Variants in ZNF445 observed in about 807,000 individuals in gnomAD.
ZNF445 encodes zinc finger protein 168.
Under a neutral mutation model 93.9 loss-of-function variants are expected in ZNF445, and 19 were observed. That is an observed-to-expected ratio of 0.20 (90% CI 0.14 to 0.30). The LOEUF (loss-of-function observed/expected upper bound fraction) is 0.30. Ranked by LOEUF, ZNF445 falls within the 10% of genes least tolerant of loss-of-function variation. The pLI is 1.00. For synonymous variants in ZNF445, 449 were observed against 446.3 expected (o/e 1.01, Z -0.08); for missense variants, 1,058 against 1,259.4 (o/e 0.84, Z 2.42).
At chr3:44,451,277 G>A (rs1398110955) in intron 4 of ZNF445, 37 bp downstream of exon 4, 2 of 1,601,902 alleles carry the variant, frequency 1.2e-6, no homozygotes, top group Non-Finnish European at 1.7e-6. Flanking sequence ...AAGAAGTGTG[G>A]CATAAGGCTG....
intron 1 of ZNF445, among the ~76,000 whole-genome samples, chr3:44,468,656 GGCCC>G (rs1457720741): frequency 1.3e-5 from 2 of 149,976 alleles, no homozygotes; most frequent in Admixed American, 6.7e-5. Flanking sequence ...CTGATCTTGT[GGCCC>G]GCCCCCACCC....
intron 1 of ZNF445, among the ~76,000 whole-genome samples, chr3:44,469,020 G>A (rs1369911871): frequency 1.3e-5 from 2 of 150,324 alleles, no homozygotes; most frequent in Non-Finnish European, 2.9e-5. Context: ...TATTTTGGGA[G>A]GATAGTGAGA....
Position 44,443,823 on chromosome 3 carries a change from A to C in ZNF445, c.*2752T>G, listed in dbSNP as rs893119850. On this transcript the variant is annotated 3_prime_UTR_variant, in exon 8 of 8. Coordinates refer to ENST00000396077, the MANE Select transcript of ZNF445 (RefSeq NM_181489.6). ...ATTTTAAAATTTGATTAGAATGTTT[A>C]GAAATAAGCACATTTCATTCTATAA... 3 of 151,774 alleles carry C rather than the reference A, an allele frequency of 2.0e-5. No homozygotes were observed. The highest frequency in any genetic ancestry group is 4.4e-5 in the Non-Finnish European group (3 of 67,970). 9.4% of individuals were successfully genotyped at this position (151,774 alleles called of 1,614,324 possible).
At chr3:44,460,733 C>T (rs1170093232) in intron 1 of ZNF445, among the ~76,000 whole-genome samples, 45 of 152,242 alleles carry the variant, frequency 3.0e-4, no homozygotes, top group Admixed American at 2.9e-3. Flanking sequence ...AGTAATACAA[C>T]TCTGGTCTCC....
intron 1 of ZNF445, among the ~76,000 whole-genome samples, chr3:44,471,856 A>C (rs1698273806): frequency 6.7e-6 from 1 of 149,330 alleles, no homozygotes. Context: ...ATAAGTATTC[A>C]AAGGAAAAAA....
At position 44,449,598 on chromosome 3, in the gene ZNF445, C is replaced by A. The variant is rs754144825; in HGVS notation, c.846G>T (p.Leu282=). 18 of 1,613,942 alleles carry A rather than the reference C, an allele frequency of 1.1e-5. No homozygotes were observed. The highest frequency in any genetic ancestry group is 1.3e-5 in the African/African-American group (1 of 74,898). ...GCTCCCTTGCTTCCAACCAGGAGAT[C>A]AGAGCAGGTTTGGTGAATGGTCCCA... ...SLVGPFTKPA[L]ISWLEAREPW... is the part of the protein sequence containing the mutation. The change falls in exon 7 of 8, where the codon CTG becomes CTT. Residue 282 remains leucine, a synonymous_variant. Coordinates refer to ENST00000396077, the MANE Select transcript of ZNF445 (RefSeq NM_181489.6).
At chr3:44,450,306 A>G (rs1697939457) in intron 6 of ZNF445, 141 bp downstream of exon 6, 1 of 976,690 alleles carries the variant, frequency 1.0e-6, no homozygotes, top group South Asian at 1.4e-5. Flanking sequence ...AGAGGCTACC[A>G]AGGTGCTAGA....
chr3:44,456,112 T>C (rs1368641585), intron 2 of ZNF445, among the ~76,000 whole-genome samples: 2 of 152,140 alleles, frequency 1.3e-5, no homozygotes, highest in East Asian at 3.9e-4. Flanking sequence ...GCAATGGGAT[T>C]AGAATAGCTA....
intron 1 of ZNF445, among the ~76,000 whole-genome samples, chr3:44,476,102 T>G (rs185265563): frequency 6.6e-6 from 1 of 152,294 alleles, no homozygotes; most frequent in Admixed American, 6.5e-5. Flanking sequence ...CACCTAACAA[T>G]TCGCCTGAGA....
intron 7 of ZNF445, among the ~76,000 whole-genome samples, chr3:44,449,135 A>G (rs974895933): frequency 6.6e-6 from 1 of 152,102 alleles, no homozygotes; most frequent in Non-Finnish European, 1.5e-5. Flanking sequence ...CCAAGAAAAG[A>G]AAGAACAGGA....
chr3:44,455,629 A>C lies in ZNF445; in HGVS notation c.-80T>G. On this transcript the variant is annotated 5_prime_UTR_variant, in exon 3 of 8. Coordinates refer to ENST00000396077, the MANE Select transcript of ZNF445 (RefSeq NM_181489.6). The stretch of plus-strand genomic sequence containing the variant: ...GGGTCCTCAGAAGTATCTTCTCAGC[A>C]GTCAACAATGCCAACATTTGCTGGG... The C allele has an allele frequency of 2.2e-6, 3 of 1,348,490 alleles. No homozygotes were observed. Among genetic ancestry groups the C allele is most frequent in the Non-Finnish European group, 3.0e-6 (3 of 996,028 alleles). 83.5% of individuals were successfully genotyped at this position (1,348,490 alleles called of 1,614,324 possible).
rs1272075452 is a variant in ZNF445 at position 44,449,764 on chromosome 3, T to G, written c.821-141A>C. On this transcript the variant is annotated intron_variant, in intron 6 of 7. Coordinates refer to ENST00000396077, the MANE Select transcript of ZNF445 (RefSeq NM_181489.6). ...GCAGAAGCTAGCGAAGGAGGCCCAG[T>G]CATTTCAAATAGCCCTGAGCAGAGA... The G allele has an allele frequency of 6.1e-6, 4 of 651,416 alleles. No homozygotes were observed. The East Asian group carries it at 1.1e-4, about 18-fold the overall frequency. The allele number at this position is 651,416 out of a possible 1,614,324, so 40.4% of individuals were successfully genotyped here.
At chr3:44,475,923 C>T (rs1015009449) in intron 1 of ZNF445, among the ~76,000 whole-genome samples, 1 of 152,258 alleles carries the variant, frequency 6.6e-6, no homozygotes, top group Middle Eastern at 3.4e-3. Flanking sequence ...CACTTGAACC[C>T]AGGAGGCGGA....
intron 1 of ZNF445, among the ~76,000 whole-genome samples, chr3:44,473,402 C>G (rs375217086): frequency 2.0e-5 from 3 of 150,402 alleles, no homozygotes; most frequent in Admixed American, 6.6e-5. Flanking sequence ...TGCAGTGAGC[C>G]GAGATCATGC....
Position 44,437,768 on chromosome 3 carries a change from C to A in ZNF445, c.*8807G>T, listed in dbSNP as rs1575302227. 1.3e-5 allele frequency: 2 copies of A among 152,310 alleles called. No homozygotes were observed. Among genetic ancestry groups the A allele is most frequent in the East Asian group, 3.9e-4 (2 of 5,176 alleles). 9.4% of individuals were successfully genotyped at this position (152,310 alleles called of 1,614,324 possible). ...GGGGATTTCTTCAGTATCATCCTTTCTGTGGTTTGCCAGAAATATGTTACA... is the reference window on the plus strand; with the variant it reads ...GGGGATTTCTTCAGTATCATCCTTTATGTGGTTTGCCAGAAATATGTTACA... On this transcript the variant is annotated 3_prime_UTR_variant, in exon 8 of 8. Coordinates refer to ENST00000396077, the MANE Select transcript of ZNF445 (RefSeq NM_181489.6).
At chr3:44,458,115 A>G (rs1698058491) in intron 2 of ZNF445, 129 bp downstream of exon 2, 1 of 152,212 alleles carries the variant, frequency 6.6e-6, no homozygotes, top group South Asian at 2.1e-4. Context: ...TCACACCTGT[A>G]ATTCCAGCAC....
At chr3:44,476,977 T>A (rs1274380010) in intron 1 of ZNF445, among the ~76,000 whole-genome samples, 1 of 152,192 alleles carries the variant, frequency 6.6e-6, no homozygotes, top group African/African-American at 2.4e-5. Context: ...ACAAATGCAT[T>A]CTACAAATTC....
intron 3 of ZNF445, among the ~76,000 whole-genome samples, chr3:44,452,549 T>A (rs1697971204): frequency 6.6e-6 from 1 of 152,210 alleles, no homozygotes; most frequent in South Asian, 2.1e-4. Context: ...GTCTTTTAAG[T>A]AGCTTTCAAC....
chr3:44,456,857 T>C (rs1698033895), intron 2 of ZNF445, among the ~76,000 whole-genome samples: 1 of 152,114 alleles, frequency 6.6e-6, no homozygotes, highest in Non-Finnish European at 1.5e-5. Context: ...TGTCCAAGGG[T>C]TCAAGTCACT....
Sources: allele counts gnomAD v4.1 joint callset (sites outside exome capture counted in the v4.1 genomes callset), GRCh38; gene constraint gnomAD v4.1.1; transcripts MANE v1.5; gene names NCBI Gene and HGNC (gene_info 2026-07-23, HGNC 2026-07-21).